The following GOLGA2 variants were observed in gnomAD, a reference collection of about 807,000 sequenced individuals.
The protein encoded by GOLGA2 is golgin subfamily A member 2.
GOLGA2 carries 49 observed loss-of-function variants against 148.8 expected under a neutral mutation model. That is an observed-to-expected ratio of 0.33 (90% confidence interval 0.26 to 0.42). GOLGA2 has a LOEUF of 0.42. Ranked by LOEUF, GOLGA2 falls within the 10% of genes least tolerant of loss-of-function variation. The pLI is 1.00. For synonymous variants in GOLGA2, 501 were observed against 511.8 expected, an observed-to-expected ratio of 0.98 and a Z score of 0.28; for missense variants, 1,178 against 1,304.6, an observed-to-expected ratio of 0.90 and a Z score of 1.49.
chr9:128,266,889 G>C lies in GOLGA2; in HGVS notation c.642+305C>G, dbSNP rs867592953. On this transcript the variant is annotated intron_variant, in intron 8 of 26. Coordinates refer to ENST00000611957, the MANE Select transcript of GOLGA2 (RefSeq NM_001366244.2). This position sits in a 1 kb window ranked among gnomAD's most constrained non-coding sequence, Gnocchi z 4.2. ...GCAAATTAAGGACTGAGTCAGGGCA[G>C]AAATACAGGGCTCCTGACAACCAGT... is the stretch of plus-strand genomic sequence containing the variant. 4.2e-5 allele frequency: 21 copies of C among 496,408 alleles called. No homozygotes were observed. The Middle Eastern group carries it at 3.3e-3, about 79-fold the overall frequency. The allele number at this position is 496,408 out of a possible 1,614,324, so 30.8% of individuals were successfully genotyped here. A position where few individuals can be genotyped will look rare whatever the true frequency, so the allele number is the denominator to read the frequency against.
intron 19 of GOLGA2, among the ~76,000 whole-genome samples, chr9:128,259,824 C>A (rs1830137499): frequency 6.6e-6 from 1 of 152,230 alleles, no homozygotes; most frequent in African/African-American, 2.4e-5. Flanking sequence ...GCCTCTTATG[C>A]CGCTGTCTCT....
chr9:128,262,929 C>T, intron 13 of GOLGA2, 105 bp downstream of exon 13: 1 of 874,450 alleles, frequency 1.1e-6, no homozygotes, highest in Non-Finnish European at 1.9e-6. Context: ...CACACATGCA[C>T]ACCTCTATGA....
chr9:128,258,361 G>A lies in GOLGA2; in HGVS notation c.2289+94C>T, dbSNP rs1830034733. 1.6e-6 allele frequency: 2 copies of A among 1,286,768 alleles called. No individual in the cohort carries two copies. The highest frequency in any genetic ancestry group is 2.5e-5 in the South Asian group (2 of 80,140). The allele number at this position is 1,286,768 out of a possible 1,614,324, so 79.7% of individuals were successfully genotyped here. ...CCCAGGAAAGGGGTGAGGGTCCGAA[G>A]AAATCAGAAGGCCGGGAAACCAAGA... On this transcript the variant is annotated intron_variant, in intron 22 of 26. Transcript: ENST00000611957. The surrounding 1 kb of genome is among the most constrained non-coding windows in gnomAD (Gnocchi z 6.6).
chr9:128,269,331 G>A (rs958393731), intron 3 of GOLGA2, among the ~76,000 whole-genome samples: 1 of 150,926 alleles, frequency 6.6e-6, no homozygotes, highest in South Asian at 2.1e-4. Flanking sequence ...CAACTCTCTG[G>A]AGGTAAAAAG....
chr9:128,258,576 G>C lies in GOLGA2; in HGVS notation c.2174-6C>G. On this transcript the variant is annotated splice_region_variant and splice_polypyrimidine_tract_variant and intron_variant, in intron 21 of 26. Coordinates refer to ENST00000611957, the MANE Select transcript of GOLGA2 (RefSeq NM_001366244.2). This position sits in a 1 kb window ranked among gnomAD's most constrained non-coding sequence, Gnocchi z 6.6. Reference sequence around the variant, plus strand: ...CTCCCGGTCCAGTCCATCTCCTATGGGGGTGGCCAGAGGGGTCATCAGACA... The same window carrying C: ...CTCCCGGTCCAGTCCATCTCCTATGCGGGTGGCCAGAGGGGTCATCAGACA... 1 of 1,553,112 alleles carries C rather than the reference G, an allele frequency of 6.4e-7. No individual in the cohort carries two copies. Among genetic ancestry groups the C allele is most frequent in the Non-Finnish European group, 8.7e-7 (1 of 1,148,778 alleles).
In GOLGA2 at chr9:128,271,337, T is replaced by A. The variant is rs1830933173; in HGVS notation, c.288+1448A>T. Among the ~76,000 whole-genome samples the A allele has an allele frequency of 6.6e-6, 1 of 152,126 alleles. No individual in the cohort carries two copies. The highest frequency in any genetic ancestry group is 2.1e-4 in the South Asian group (1 of 4,828). On this transcript the variant is annotated intron_variant, in intron 3 of 26. Transcript: ENST00000611957. The surrounding 1 kb of genome is among the most constrained non-coding windows in gnomAD (Gnocchi z 4.4). ...TAACAGGTATGAGACTGGACAACTC[T>A]CTAACAGCAGCCAAGGCTGCTCTGT... is the stretch of plus-strand genomic sequence containing the variant.
chr9:128,259,500 G>C, intron 19 of GOLGA2, 109 bp from the exon 20 acceptor site: 2 of 674,808 alleles, frequency 3.0e-6, no homozygotes, highest in Non-Finnish European at 5.0e-6. Flanking sequence ...CTGGCCCCTT[G>C]CTCCAGGCCT....
intron 12 of GOLGA2, among the ~76,000 whole-genome samples, chr9:128,264,758 C>A (rs1038865689): frequency 6.6e-6 from 1 of 152,116 alleles, no homozygotes; most frequent in Non-Finnish European, 1.5e-5. Context: ...CTAACAGAGG[C>A]CCAGAGAGAT....
chr9:128,265,234 C>T (rs974666334), intron 12 of GOLGA2, among the ~76,000 whole-genome samples: 2 of 152,190 alleles, frequency 1.3e-5, no homozygotes, highest in Admixed American at 1.3e-4. Context: ...CACACGTTCC[C>T]TCTCTCTACA....
Position 128,261,653 on chromosome 9 carries a change from C to A in GOLGA2, c.1224+15G>T, listed in dbSNP as rs1381651593. The A allele has an allele frequency of 1.3e-6, 2 of 1,584,826 alleles. No individual in the cohort carries two copies. The highest frequency in any genetic ancestry group is 1.7e-6 in the Non-Finnish European group (2 of 1,153,378). The stretch of plus-strand genomic sequence containing the variant: ...GGTCATCTTCCTTCTACATCCCTCC[C>A]CTGCAAAGCCTCACCTGCCCCAGGT... On this transcript the variant is annotated intron_variant, in intron 15 of 26. Transcript: ENST00000611957. This position sits in a 1 kb window ranked among gnomAD's most constrained non-coding sequence, Gnocchi z 5.7.
chr9:128,262,954 T>A, intron 13 of GOLGA2, 80 bp downstream of exon 13: 1 of 997,162 alleles, frequency 1.0e-6, no homozygotes, highest in Non-Finnish European at 1.6e-6. Context: ...CTCATCATGC[T>A]TACCTGTACC....
intron 3 of GOLGA2, among the ~76,000 whole-genome samples, 178 bp downstream of exon 3, chr9:128,272,607 G>A (rs141633362): frequency 6.6e-6 from 1 of 152,302 alleles, no homozygotes; most frequent in East Asian, 1.9e-4. Context: ...AAAAGATTTG[G>A]GGGAAGAATA....
At chr9:128,275,443 C>T (rs1831263791) in intron 1 of GOLGA2, 1 of 1,300,284 alleles carries the variant, frequency 7.7e-7, no homozygotes, top group Admixed American at 3.9e-5. Context: ...GACCCAGGTC[C>T]TTGGAGACCC....
chr9:128,259,482 C>A, intron 19 of GOLGA2, 91 bp from the exon 20 acceptor site: 1 of 783,894 alleles, frequency 1.3e-6, no homozygotes, highest in Non-Finnish European at 2.1e-6. Flanking sequence ...TGTCACCTGC[C>A]CAGACCTCTG....
intron 3 of GOLGA2, among the ~76,000 whole-genome samples, chr9:128,269,209 A>C (rs1473916423): frequency 2.0e-5 from 3 of 152,090 alleles, no homozygotes; most frequent in Non-Finnish European, 2.9e-5. Context: ...TTGGTCTCCC[A>C]AAATGTTGAG....
chr9:128,266,256 A>G lies in GOLGA2; in HGVS notation c.681+31T>C. On this transcript the variant is annotated intron_variant, in intron 9 of 26. Coordinates refer to ENST00000611957, the MANE Select transcript of GOLGA2 (RefSeq NM_001366244.2). This position sits in a 1 kb window ranked among gnomAD's most constrained non-coding sequence, Gnocchi z 4.2. ...TGAATGCCCCCCAAACCCAGCAGTC[A>G]TGTTGTGAGCAAACAAAGAAATCAC... is the stretch of plus-strand genomic sequence containing the variant. 1 of 1,590,108 alleles carries G rather than the reference A, an allele frequency of 6.3e-7. No individual in the cohort carries two copies. The highest frequency in any genetic ancestry group is 8.6e-7 in the Non-Finnish European group (1 of 1,158,402).
rs1830145580 is a variant in GOLGA2, at chr9:128,259,934, G to A, written c.1872+142C>T. On this transcript the variant is annotated intron_variant, in intron 19 of 26. Coordinates refer to ENST00000611957, the MANE Select transcript of GOLGA2 (RefSeq NM_001366244.2). Reference sequence around the variant, plus strand: ...TCCACCTCTAAAAGTCAGAGGGCAGGGAGCAAGAAACAGTCACAGGACTGC... The same window carrying A: ...TCCACCTCTAAAAGTCAGAGGGCAGAGAGCAAGAAACAGTCACAGGACTGC... The A allele has an allele frequency of 7.3e-6, 5 of 689,236 alleles. No homozygotes were observed. In the South Asian group the frequency reaches 7.9e-5, roughly 11 times the overall value. The allele number at this position is 689,236 out of a possible 1,614,324, so 42.7% of individuals were successfully genotyped here. A position where few individuals can be genotyped will look rare whatever the true frequency, so the allele number is the denominator to read the frequency against.
rs1270514748 is a variant in GOLGA2 at position 128,260,199 on chromosome 9, G to A, written c.1759-10C>T. On this transcript the variant is annotated splice_polypyrimidine_tract_variant and intron_variant, in intron 18 of 26. Transcript: ENST00000611957. This position sits in a 1 kb window ranked among gnomAD's most constrained non-coding sequence, Gnocchi z 4.8. ...CCATGTTCTCATTAGTCTGGACAGAGAGAAGCAATCAGCGGCCACCCACTG... is the reference window on the plus strand; with the variant it reads ...CCATGTTCTCATTAGTCTGGACAGAAAGAAGCAATCAGCGGCCACCCACTG... 1.3e-6 allele frequency: 2 copies of A among 1,589,460 alleles called. No individual in the cohort carries two copies. The highest frequency in any genetic ancestry group is 1.1e-5 in the South Asian group (1 of 90,652).
In GOLGA2 at chr9:128,266,192, G is replaced by A; in HGVS notation, c.681+95C>T. On this transcript the variant is annotated intron_variant, in intron 9 of 26. Transcript: ENST00000611957. This position sits in a 1 kb window ranked among gnomAD's most constrained non-coding sequence, Gnocchi z 4.2. ...CTGGGGGGGTGAGCCTTCTTCCCCA[G>A]GCTGGGAGTGGGTGAGACGAGACTG... The A allele has an allele frequency of 1.4e-6, 2 of 1,379,684 alleles. No homozygotes were observed. The highest frequency in any genetic ancestry group is 1.0e-6 in the Non-Finnish European group (1 of 967,478). 85.5% of individuals were successfully genotyped at this position (1,379,684 alleles called of 1,614,324 possible). A position where few individuals can be genotyped will look rare whatever the true frequency, so the allele number is the denominator to read the frequency against.
Sources: gnomAD v4.1 joint callset for allele counts (sites outside exome capture counted in the v4.1 genomes callset) on GRCh38, gnomAD v4.1.1 for gene constraint, Gnocchi (gnomAD v3.1) non-coding constraint, MANE v1.5 for transcripts, NCBI Gene and HGNC (gene_info 2026-07-23, HGNC 2026-07-21) for gene names.